The following CFAP61 variants were observed in gnomAD, a reference collection of about 807,000 sequenced individuals.
CFAP61 encodes cilia and flagella associated protein 61, also known as cilia- and flagella-associated protein 61.
CFAP61 carries 107 observed loss-of-function variants against 135.6 expected under a neutral mutation model. The observed-to-expected ratio is 0.79, with a 90% CI of 0.67 to 0.93. CFAP61 has a LOEUF of 0.93. Ranked by LOEUF, CFAP61 falls within the 40% of genes least tolerant of loss-of-function variation. CFAP61 has a pLI of 0.00. For missense variants in CFAP61, 1,507 were observed against 1,556.2 expected (o/e 0.97, Z 0.53); for synonymous variants, 575 against 578.5 (o/e 0.99, Z 0.09).
At chr20:20,201,132 A>G (rs180963572) in intron 17 of CFAP61, 117 of 226,378 alleles carry the variant, frequency 5.2e-4, no homozygotes, top group Non-Finnish European at 7.4e-4. Flanking sequence ...AAACAAGATT[A>G]GAAAGCAAAG....
At position 20,263,051 on chromosome 20, in the gene CFAP61, C is replaced by T. The variant is rs553331052; in HGVS notation, c.2424C>T (p.Cys808=). Residue 808 remains cysteine, a synonymous_variant, in exon 21 of 27, where the codon TGC becomes TGT. Coordinates refer to ENST00000245957, the MANE Select transcript of CFAP61 (RefSeq NM_015585.4). ...GGCGGTACACGGGGAAAGTTCCTTG[C>T]AACCATTTCACTCTCAACGAGGAAG... ...SQRRYTGKVP[C]NHFTLNEEED... 1.1e-5 allele frequency: 17 copies of T among 1,614,018 alleles called. No individual in the cohort carries two copies. The South Asian group carries it at 1.6e-4, about 16-fold the overall frequency.
intron 8 of CFAP61, among the ~76,000 whole-genome samples, chr20:20,110,915 C>T (rs753591534): frequency 3.9e-5 from 6 of 152,042 alleles, no homozygotes; most frequent in South Asian, 2.1e-4. Context: ...CTCAAGGTTC[C>T]GGGCAGTCAG....
At chr20:20,154,775 T>C (rs1003384661) in intron 9 of CFAP61, among the ~76,000 whole-genome samples, 1 of 152,076 alleles carries the variant, frequency 6.6e-6, no homozygotes, top group Non-Finnish European at 1.5e-5. Context: ...ACATCACTGA[T>C]GACACAAACA....
chr20:20,271,405 A>T (rs187619665), intron 21 of CFAP61, among the ~76,000 whole-genome samples: 36 of 152,358 alleles, frequency 2.4e-4, no homozygotes, highest in Non-Finnish European at 1.8e-4. Flanking sequence ...GCTCACTCAG[A>T]TATTGACTGC....
intron 22 of CFAP61, among the ~76,000 whole-genome samples, chr20:20,280,429 T>C (rs2182835): frequency 0.77 from 117,324 of 152,106 alleles, 45,750 homozygotes; most frequent in Middle Eastern, 0.87. Flanking sequence ...ACCCAGTTTG[T>C]GGTACTTCAT....
At chr20:20,165,080 G>A (rs966866845) in intron 11 of CFAP61, among the ~76,000 whole-genome samples, 6 of 152,320 alleles carry the variant, frequency 3.9e-5, no homozygotes, top group South Asian at 2.1e-4. Flanking sequence ...AGATTTGGGT[G>A]GGGACACAGC....
At chr20:20,067,400 G>A (rs1160842182) in intron 2 of CFAP61, among the ~76,000 whole-genome samples, 3 of 151,780 alleles carry the variant, frequency 2.0e-5, no homozygotes, top group African/African-American at 2.4e-5. Flanking sequence ...GCGAGACTCC[G>A]TCTCAAAAAA....
intron 20 of CFAP61, among the ~76,000 whole-genome samples, chr20:20,254,708 A>C (rs2051378552): frequency 6.6e-6 from 1 of 152,218 alleles, no homozygotes; most frequent in African/African-American, 2.4e-5. Flanking sequence ...GATTTTCTAA[A>C]AAACAAATTA....
At chr20:20,106,595 A>G (rs560438345) in intron 8 of CFAP61, among the ~76,000 whole-genome samples, 34 of 152,282 alleles carry the variant, frequency 2.2e-4, no homozygotes, top group African/African-American at 7.7e-4. Flanking sequence ...CTTTATTTAT[A>G]TTCGTTATGA....
chr20:20,273,995 A>G (rs1035838033), intron 21 of CFAP61, among the ~76,000 whole-genome samples: 9 of 152,240 alleles, frequency 5.9e-5, no homozygotes, highest in African/African-American at 2.2e-4. Context: ...TTTGTCCCAA[A>G]ATGAATAATC....
At position 20,291,838 on chromosome 20, in the gene CFAP61, G is replaced by C. The variant is rs371699369; in HGVS notation, c.3216+1447G>C. Among the ~76,000 whole-genome samples, 11 of 152,334 alleles carry C rather than the reference G, an allele frequency of 7.2e-5. No homozygotes were observed. In the East Asian group the frequency reaches 1.2e-3, roughly 16 times the overall value. ...GCCCGGTGTGTGTTGTCATCTGGGG[G>C]CTTCCTTTTGGATATGTCACGTTTG... is the stretch of plus-strand genomic sequence containing the variant. On this transcript the variant is annotated intron_variant, in intron 24 of 26. Coordinates refer to ENST00000245957, the MANE Select transcript of CFAP61 (RefSeq NM_015585.4).
chr20:20,116,561 T>G (rs1334378952), intron 8 of CFAP61, among the ~76,000 whole-genome samples: 1 of 152,234 alleles, frequency 6.6e-6, no homozygotes, highest in African/African-American at 2.4e-5. Context: ...TTTCATTGTG[T>G]CAGGTCTTAG....
intron 8 of CFAP61, among the ~76,000 whole-genome samples, chr20:20,119,570 ATCTTC>A: frequency 6.6e-6 from 1 of 151,978 alleles, no homozygotes; most frequent in Non-Finnish European, 1.5e-5. Context: ...CATTTTGTCT[ATCTTC>A]TATATTTTTT....
At chr20:20,228,223 T>C (rs1397622362) in intron 17 of CFAP61, 26 bp from the exon 18 acceptor site, 3 of 1,588,310 alleles carry the variant, frequency 1.9e-6, no homozygotes, top group Non-Finnish European at 2.6e-6. Context: ...TTTGACTCCT[T>C]CTTTGTCTTC....
intron 7 of CFAP61, chr20:20,094,396 A>G (rs745520474): frequency 1.3e-5 from 2 of 152,184 alleles, no homozygotes; most frequent in African/African-American, 2.4e-5. Flanking sequence ...ACAGACCCCA[A>G]TAAGGATTTT....
chr20:20,054,018 T>G (rs796898312), intron 1 of CFAP61, among the ~76,000 whole-genome samples: 5 of 119,284 alleles, frequency 4.2e-5, no homozygotes, highest in African/African-American at 6.5e-5. Context: ...TGTTTGTTTT[T>G]TTTTTTTTTT....
rs1269424807 is a variant in CFAP61, at chr20:20,314,753, T to C, written c.3422+16367T>C. ...TTCCTGTGTCCATGTGTTCTCATTG[T>C]TCAATTCCCACCTATGAGTGAGAAT... On this transcript the variant is annotated intron_variant, in intron 25 of 26. Coordinates refer to ENST00000245957, the MANE Select transcript of CFAP61 (RefSeq NM_015585.4). Among the ~76,000 whole-genome samples, 27 of 133,628 alleles carry C rather than the reference T, an allele frequency of 2.0e-4. No homozygotes were observed. The East Asian group carries it at 3.9e-3, about 19-fold the overall frequency. The allele number at this position is 133,628 out of a possible 152,430, so 87.7% of individuals were successfully genotyped here. A position where few individuals can be genotyped will look rare whatever the true frequency, so the allele number is the denominator to read the frequency against.
intron 13 of CFAP61, among the ~76,000 whole-genome samples, chr20:20,181,276 T>TATACAC (rs1555898669): frequency 6.9e-6 from 1 of 144,544 alleles, no homozygotes; most frequent in African/African-American, 2.6e-5. Context: ...TGTGTATGTA[T>TATACAC]ACACACACAC....
intron 26 of CFAP61, among the ~76,000 whole-genome samples, chr20:20,357,222 AGGGGGTC>A (rs2059244140): frequency 2.1e-5 from 1 of 47,794 alleles, no homozygotes; most frequent in African/African-American, 8.2e-5. Context: ...CACTGAGGGG[AGGGGGTC>A]ATACTGCGAG....
Sources: gnomAD v4.1 joint callset for allele counts (sites outside exome capture counted in the v4.1 genomes callset) on GRCh38, gnomAD v4.1.1 for gene constraint, MANE v1.5 for transcripts, NCBI Gene and HGNC (gene_info 2026-07-23, HGNC 2026-07-21) for gene names.